CR1: variants seen among roughly 807,000 people sequenced by gnomAD.
CR1 encodes complement receptor type 1.
Under a neutral mutation model 187.3 loss-of-function variants are expected in CR1, and 116 were observed. That is an observed-to-expected ratio of 0.62 (90% CI 0.53 to 0.72). CR1 has a LOEUF of 0.72. Ranked by LOEUF, CR1 falls within the 30% of genes least tolerant of loss-of-function variation. CR1 has a pLI of 0.00. For missense variants in CR1, 1,731 were observed against 2,110.7 expected, an observed-to-expected ratio of 0.82 and a Z score of 3.52; for synonymous variants, 576 against 747.1, an observed-to-expected ratio of 0.77 and a Z score of 3.73.
chr1:207,498,894 GAAAC>G (rs1385927867), intron 1 of CR1, among the ~76,000 whole-genome samples: 8 of 65,428 alleles, frequency 1.2e-4, no homozygotes, highest in Non-Finnish European at 2.1e-4. Flanking sequence ...AAAAAAAAAA[GAAAC>G]AAACAAACAA....
At chr1:207,631,738 G>T (rs1432663746) in intron 46 of CR1, among the ~76,000 whole-genome samples, 1 of 152,048 alleles carries the variant, frequency 6.6e-6, no homozygotes, top group Admixed American at 6.6e-5. Context: ...GCTTACTTTG[G>T]CTATGCCCAA....
chr1:207,566,473 G>A (rs1206697783), intron 24 of CR1, among the ~76,000 whole-genome samples: 8 of 150,058 alleles, frequency 5.3e-5, no homozygotes. Context: ...TTATATCAAT[G>A]AACAAGATGG....
rs760180458 is a variant in CR1 at position 207,616,637 on chromosome 1, G to T, written c.6724G>T (p.Asp2242Tyr). 7 of 1,613,774 alleles carry T rather than the reference G, an allele frequency of 4.3e-6. No individual in the cohort carries two copies. The South Asian group carries it at 5.5e-5, about 13-fold the overall frequency. ...GAGACACACAGGAACTCCCTTTGGA[G>T]ATATTCCCTATGGAAAAGAAATATC... Reference protein sequence around the residue: ...NGRHTGTPFGDIPYGKEISYA... With the variant: ...NGRHTGTPFGYIPYGKEISYA... The change falls in exon 41 of 47, where the codon GAT (aspartate) becomes TAT (tyrosine). Residue 2242 changes from aspartate (D) to tyrosine (Y), a missense_variant. By Grantham distance (160) the Asp-to-Tyr change is radical. Coordinates refer to ENST00000367049, the MANE Select transcript of CR1 (RefSeq NM_000651.6).
At chr1:207,516,180 C>G (rs1659804109) in intron 4 of CR1, among the ~76,000 whole-genome samples, 1 of 152,156 alleles carries the variant, frequency 6.6e-6, no homozygotes, top group Non-Finnish European at 1.5e-5. Flanking sequence ...TATGATGGTG[C>G]CACTGCACTC....
intron 3 of CR1, among the ~76,000 whole-genome samples, chr1:207,508,341 G>A (rs1384115099): frequency 2.0e-5 from 3 of 152,290 alleles, no homozygotes; most frequent in Admixed American, 6.5e-5. Context: ...TGCGAAAAAC[G>A]TACCACCCTG....
intron 35 of CR1, among the ~76,000 whole-genome samples, chr1:207,594,029 G>A (rs939780790): frequency 6.6e-6 from 1 of 152,194 alleles, no homozygotes; most frequent in African/African-American, 2.4e-5. Context: ...TTCAACCATT[G>A]TGGATGACAG....
intron 4 of CR1, among the ~76,000 whole-genome samples, chr1:207,522,750 T>G (rs1419996240): frequency 6.6e-6 from 1 of 151,970 alleles, no homozygotes; most frequent in African/African-American, 2.4e-5. Context: ...GCCTGAAAAA[T>G]TTTTATTTTT....
chr1:207,578,229 G>C (rs781728384), intron 29 of CR1, 26 bp downstream of exon 29: 1 of 1,611,638 alleles, frequency 6.2e-7, no homozygotes, highest in East Asian at 2.2e-5. Context: ...GCCTAGAAGG[G>C]CCCTGCCAGT....
chr1:207,513,724 C>T (rs576612174), intron 4 of CR1, among the ~76,000 whole-genome samples: 293 of 142,906 alleles, frequency 2.1e-3, no homozygotes, highest in African/African-American at 7.6e-3. Flanking sequence ...CCTTCCCTCC[C>T]TCCCTCCTTT....
At position 207,514,994 on chromosome 1, in the gene CR1, TACAC is replaced by T. The variant is rs369482432; in HGVS notation, c.487+3370_487+3373del. 5.5e-3 allele frequency among the ~76,000 whole-genome samples: 655 copies of T among 119,564 alleles called. 7 individuals are homozygous for T. The highest frequency in any genetic ancestry group is 0.015 in the African/African-American group (518 of 33,678). The allele number at this position is 119,564 out of a possible 152,430, so 78.4% of individuals were successfully genotyped here. A position where few individuals can be genotyped will look rare whatever the true frequency, so the allele number is the denominator to read the frequency against. ...CTGAAGTATAACATATATATATATA[TACAC>T]ACACACACACACACACACACACACA... On this transcript the variant is annotated intron_variant, in intron 4 of 46. Transcript: ENST00000367049.
intron 36 of CR1, among the ~76,000 whole-genome samples, chr1:207,608,985 A>G (rs1248047769): frequency 6.6e-6 from 1 of 152,204 alleles, no homozygotes; most frequent in Non-Finnish European, 1.5e-5. Flanking sequence ...AAAATAGTCC[A>G]GCAATAGATA....
In CR1 at chr1:207,639,383, T is replaced by A. The variant is rs754671637; in HGVS notation, c.7458-14T>A. On this transcript the variant is annotated splice_polypyrimidine_tract_variant and intron_variant, in intron 46 of 46. Transcript: ENST00000367049. ...CCATGCTGTTAATTAAATGAAAACA[T>A]CCTGTTATTTCAGGGTCCTTCCTTG... 1.9e-6 allele frequency: 3 copies of A among 1,597,008 alleles called. No individual in the cohort carries two copies. The highest frequency in any genetic ancestry group is 2.6e-6 in the Non-Finnish European group (3 of 1,170,354).
At chr1:207,637,452 T>C (rs200564885) in intron 46 of CR1, among the ~76,000 whole-genome samples, 2,384 of 91,606 alleles carry the variant, frequency 0.026, no homozygotes, top group South Asian at 0.039. Context: ...AAGGTTTCCC[T>C]TTAGGTCTAA....
chr1:207,639,258 C>G, intron 46 of CR1, 139 bp from the exon 47 acceptor site: 1 of 686,384 alleles, frequency 1.5e-6, no homozygotes, highest in Non-Finnish European at 2.5e-6. Flanking sequence ...TCCAAATGTT[C>G]TAACTTGTCC....
At chr1:207,575,715 A>G (rs367918864) in intron 28 of CR1, 35 bp downstream of exon 28, 412 of 1,611,352 alleles carry the variant, frequency 2.6e-4, no homozygotes, top group Admixed American at 1.7e-3. Context: ...TCACCCCACC[A>G]TTGAATCCTA....
chr1:207,510,185 C>T (rs910946787), intron 3 of CR1, among the ~76,000 whole-genome samples: 2 of 151,816 alleles, frequency 1.3e-5, no homozygotes, highest in East Asian at 1.9e-4. Context: ...CCAGCCTTGG[C>T]GACAAGAGTG....
intron 46 of CR1, among the ~76,000 whole-genome samples, chr1:207,634,988 TA>T (rs758910425): frequency 1.3e-5 from 2 of 152,228 alleles, no homozygotes; most frequent in Non-Finnish European, 2.9e-5. Flanking sequence ...AAGGTCAAGT[TA>T]ATCATTAATC....
chr1:207,632,671 G>A (rs1175275090), intron 46 of CR1, among the ~76,000 whole-genome samples: 2 of 151,940 alleles, frequency 1.3e-5, no homozygotes, highest in South Asian at 2.1e-4. Flanking sequence ...GGTGGTGGGC[G>A]CCTGTAGTCC....
intron 3 of CR1, among the ~76,000 whole-genome samples, chr1:207,508,126 T>C (rs1428842030): frequency 6.6e-6 from 1 of 152,190 alleles, no homozygotes; most frequent in African/African-American, 2.4e-5. Flanking sequence ...TATCAGTGGT[T>C]GTCAGGGGTT....
Sources: gnomAD v4.1 joint callset for allele counts (sites outside exome capture counted in the v4.1 genomes callset) on GRCh38, gnomAD v4.1.1 for gene constraint, MANE v1.5 for transcripts, NCBI Gene and HGNC (gene_info 2026-07-23, HGNC 2026-07-21) for gene names.